Variants in NBAS observed in about 807,000 individuals in gnomAD.
NBAS encodes the protein NBAS subunit of NRZ tethering complex.
Under a neutral mutation model 302.5 loss-of-function variants are expected in NBAS, and 219 were observed. That is an observed-to-expected ratio of 0.72 (90% confidence interval 0.65 to 0.81). The LOEUF is 0.81. Ranked by LOEUF, NBAS falls within the 30% of genes least tolerant of loss-of-function variation. NBAS has a pLI of 0.00. For synonymous variants in NBAS, 1,118 were observed against 1,021.6 expected, an observed-to-expected ratio of 1.09 and a Z score of -1.80; for missense variants, 2,932 against 2,841.6, an observed-to-expected ratio of 1.03 and a Z score of -0.72.
the NBAS span, among the ~76,000 whole-genome samples, chr2:14,814,933 T>C: frequency 1.3e-5 from 2 of 152,110 alleles, no homozygotes; most frequent in Non-Finnish European, 2.9e-5. Flanking sequence ...CCTAGTGCTG[T>C]CTTGTGATAG....
chr2:14,782,253 C>T, the NBAS span, among the ~76,000 whole-genome samples: 519 of 152,154 alleles, frequency 3.4e-3, no homozygotes, highest in Non-Finnish European at 6.1e-3. Context: ...TTAATTAGAA[C>T]TTGTTCTTAA....
At chr2:14,824,075 GT>G in the NBAS span, among the ~76,000 whole-genome samples, 3 of 152,328 alleles carry the variant, frequency 2.0e-5, no homozygotes, top group African/African-American at 7.2e-5. Flanking sequence ...CGCCAGACGT[GT>G]TGCAAGCAGC....
the NBAS span, among the ~76,000 whole-genome samples, chr2:15,134,800 C>T: frequency 6.6e-6 from 1 of 152,146 alleles, no homozygotes; most frequent in Non-Finnish European, 1.5e-5. Context: ...GAAGATGAAC[C>T]TCATTTTTTC....
At chr2:15,015,471 AG>A in the NBAS span, among the ~76,000 whole-genome samples, 5 of 152,214 alleles carry the variant, frequency 3.3e-5, no homozygotes, top group Non-Finnish European at 7.4e-5. Flanking sequence ...AGGCATGCAA[AG>A]ATGGTTCAAC....
At chr2:15,407,100 T>C (rs932628974) in intron 25 of NBAS, among the ~76,000 whole-genome samples, 14 of 152,338 alleles carry the variant, frequency 9.2e-5, no homozygotes, top group African/African-American at 3.4e-4. Context: ...GCACTGCTTG[T>C]AATTGCAAAA....
At chr2:14,998,979 T>C in the NBAS span, among the ~76,000 whole-genome samples, 1 of 152,172 alleles carries the variant, frequency 6.6e-6, no homozygotes, top group African/African-American at 2.4e-5. Flanking sequence ...CATACAATGC[T>C]CAGGCACTGA....
intron 38 of NBAS, among the ~76,000 whole-genome samples, chr2:15,317,452 C>T (rs925958476): frequency 3.3e-5 from 5 of 152,060 alleles, no homozygotes; most frequent in African/African-American, 7.2e-5. Flanking sequence ...CAAACTTCTC[C>T]GAGCTAAAGG....
At chr2:15,552,345 G>A (rs775999751) in intron 5 of NBAS, among the ~76,000 whole-genome samples, 5 of 152,122 alleles carry the variant, frequency 3.3e-5, no homozygotes, top group Non-Finnish European at 7.4e-5. Flanking sequence ...AACAACACAG[G>A]TTTCAACTAT....
chr2:14,923,131 G>A, the NBAS span, among the ~76,000 whole-genome samples: 12 of 152,326 alleles, frequency 7.9e-5, no homozygotes, highest in South Asian at 2.5e-3. Flanking sequence ...TAGTCTGGGT[G>A]ACAGAGCGAA....
the NBAS span, among the ~76,000 whole-genome samples, chr2:14,977,508 A>C: frequency 6.6e-6 from 1 of 152,184 alleles, no homozygotes; most frequent in Non-Finnish European, 1.5e-5. Context: ...CTAGTCATGG[A>C]ATTTGGGGCA....
chr2:14,928,458 A>C, the NBAS span, among the ~76,000 whole-genome samples: 1 of 152,240 alleles, frequency 6.6e-6, no homozygotes, highest in Non-Finnish European at 1.5e-5. Flanking sequence ...GGTAGAAAAC[A>C]CAAGAAAAAA....
At chr2:15,111,056 C>T in the NBAS span, among the ~76,000 whole-genome samples, 2 of 152,080 alleles carry the variant, frequency 1.3e-5, no homozygotes, top group African/African-American at 4.8e-5. Context: ...ATAATAAATA[C>T]TGACTTTGTG....
intron 25 of NBAS, among the ~76,000 whole-genome samples, chr2:15,415,214 T>C (rs1467696143): frequency 6.6e-6 from 1 of 152,196 alleles, no homozygotes; most frequent in African/African-American, 2.4e-5. Flanking sequence ...ATCTATGCCA[T>C]AGGATTGTTA....
At chr2:15,109,180 C>G in the NBAS span, among the ~76,000 whole-genome samples, 1 of 152,098 alleles carries the variant, frequency 6.6e-6, no homozygotes, top group Non-Finnish European at 1.5e-5. Context: ...AGGGTCCCCG[C>G]TGTATATTAT....
the NBAS span, among the ~76,000 whole-genome samples, chr2:14,790,341 C>T: frequency 6.6e-6 from 1 of 152,312 alleles, no homozygotes; most frequent in East Asian, 1.9e-4. Flanking sequence ...TCCTATCAAC[C>T]AAAATTAAAG....
chr2:14,798,421 A>T, the NBAS span, among the ~76,000 whole-genome samples: 1 of 152,188 alleles, frequency 6.6e-6, no homozygotes, highest in African/African-American at 2.4e-5. Flanking sequence ...GCATTCGTAG[A>T]AAAAACTCCA....
At chr2:15,081,194 A>G in the NBAS span, among the ~76,000 whole-genome samples, 1 of 152,126 alleles carries the variant, frequency 6.6e-6, no homozygotes, top group African/African-American at 2.4e-5. Context: ...GAAGGTTGCA[A>G]TGGGGTCCTA....
the NBAS span, among the ~76,000 whole-genome samples, chr2:15,104,349 C>T: frequency 6.6e-6 from 1 of 152,150 alleles, no homozygotes; most frequent in Non-Finnish European, 1.5e-5. Flanking sequence ...AAGACTAATA[C>T]AATAGGCCTT....
chr2:14,963,306 C>T, the NBAS span, among the ~76,000 whole-genome samples: 4 of 152,034 alleles, frequency 2.6e-5, no homozygotes, highest in Admixed American at 2.6e-4. Context: ...AATAAAGTTC[C>T]TATGGGAATA....
Sources: gnomAD v4.1 joint callset for allele counts (sites outside exome capture counted in the v4.1 genomes callset) on GRCh38, gnomAD v4.1.1 for gene constraint, MANE v1.5 for transcripts, NCBI Gene and HGNC (gene_info 2026-07-23, HGNC 2026-07-21) for gene names.